Variants in STAMBP observed in about 807,000 individuals in gnomAD.
The protein encoded by STAMBP is STAM-binding protein.
Under a neutral mutation model 50.7 loss-of-function variants are expected in STAMBP, and 31 were observed. The ratio of observed to expected loss-of-function variants is 0.61; its 90% CI spans 0.46 to 0.83. STAMBP has a LOEUF of 0.83. STAMBP is among the 40% of genes least tolerant of loss of function. STAMBP has a pLI of 0.00. For synonymous variants in STAMBP, 211 were observed against 192.4 expected (o/e 1.10, Z -0.80); for missense variants, 472 against 518.9 (o/e 0.91, Z 0.88).
intron 7 of STAMBP, among the ~76,000 whole-genome samples, chr2:73,857,336 G>A (rs909839198): frequency 6.6e-6 from 1 of 152,106 alleles, no homozygotes; most frequent in East Asian, 1.9e-4. Flanking sequence ...GAACCAGTGG[G>A]ATCAGAGTCC....
chr2:73,861,686 A>ATTT (rs954145238), intron 9 of STAMBP, among the ~76,000 whole-genome samples: 5 of 126,640 alleles, frequency 3.9e-5, no homozygotes, highest in African/African-American at 6.2e-5. Context: ...ACCGGGTTAA[A>ATTT]TTTTTTTTTT....
rs1479411792 is a variant in STAMBP, at chr2:73,829,037, G to T, written c.-486G>T. On this transcript the variant is annotated 5_prime_UTR_variant, in exon 1 of 10. Transcript: ENST00000394070. The stretch of plus-strand genomic sequence containing the variant: ...GGGAACGTGGTGGGGCAGGGCCTCC[G>T]AGCGTGGTTGGACTTTGAAGGGGAT... 1 of 152,320 alleles carries T rather than the reference G, an allele frequency of 6.6e-6. No homozygotes were observed. The highest frequency in any genetic ancestry group is 1.5e-5 in the Non-Finnish European group (1 of 68,126). 9.4% of individuals were successfully genotyped at this position (152,320 alleles called of 1,614,324 possible). A position where few individuals can be genotyped will look rare whatever the true frequency, so the allele number is the denominator to read the frequency against.
chr2:73,855,259 C>T (rs1677404628), intron 7 of STAMBP, among the ~76,000 whole-genome samples: 1 of 152,204 alleles, frequency 6.6e-6, no homozygotes, highest in South Asian at 2.1e-4. Context: ...CTGCCTTCAG[C>T]ATTCACCCTC....
In STAMBP at chr2:73,862,420, A is replaced by G; in HGVS notation, c.*161A>G. ...TTTTGTATTTCAGGTTTGAAAAGAA[A>G]TAACTGAACATATTTTTTAGGCAAG... On this transcript the variant is annotated 3_prime_UTR_variant, in exon 10 of 10. Coordinates refer to ENST00000394070, the MANE Select transcript of STAMBP (RefSeq NM_213622.4). 1 of 499,338 alleles carries G rather than the reference A, an allele frequency of 2.0e-6. No individual in the cohort carries two copies. Among genetic ancestry groups the G allele is most frequent in the Non-Finnish European group, 3.4e-6 (1 of 291,074 alleles). 30.9% of individuals were successfully genotyped at this position (499,338 alleles called of 1,614,324 possible).
chr2:73,870,763 T>A (rs1413502742), downstream of STAMBP, among the ~76,000 whole-genome samples: 5 of 152,158 alleles, frequency 3.3e-5, no homozygotes, highest in Non-Finnish European at 1.5e-5. Context: ...TGGCATCATA[T>A]CAAAGCACAA....
intron 7 of STAMBP, among the ~76,000 whole-genome samples, chr2:73,853,050 C>T (rs1187192994): frequency 6.6e-6 from 1 of 151,934 alleles, no homozygotes; most frequent in African/African-American, 2.4e-5. Flanking sequence ...AGCCACCGCA[C>T]CCGGCCAAGG....
At chr2:73,834,337 G>A (rs1157065865) in intron 2 of STAMBP, among the ~76,000 whole-genome samples, 6 of 130,638 alleles carry the variant, frequency 4.6e-5, no homozygotes, top group Non-Finnish European at 6.2e-5. Flanking sequence ...ACTCTTGACT[G>A]GAAGCCTTAT....
intron 7 of STAMBP, 128 bp from the exon 8 acceptor site, chr2:73,859,126 T>G: frequency 1.5e-6 from 1 of 684,244 alleles, no homozygotes; most frequent in South Asian, 1.8e-5. Flanking sequence ...CAAAGTATGT[T>G]ATCGTATGTA....
downstream of STAMBP, among the ~76,000 whole-genome samples, chr2:73,871,104 T>C (rs1287720740): frequency 6.6e-6 from 1 of 152,100 alleles, no homozygotes; most frequent in Admixed American, 6.6e-5. Flanking sequence ...TGAACCATAG[T>C]AAATGCAGGA....
chr2:73,838,074 G>A (rs762882532), intron 2 of STAMBP, among the ~76,000 whole-genome samples: 1 of 152,206 alleles, frequency 6.6e-6, no homozygotes, highest in Admixed American at 6.5e-5. Flanking sequence ...AAGCAATTTC[G>A]CTAGAAGGAT....
At chr2:73,851,785 G>T (rs990661752) in intron 7 of STAMBP, among the ~76,000 whole-genome samples, 1 of 151,780 alleles carries the variant, frequency 6.6e-6, no homozygotes, top group African/African-American at 2.4e-5. Flanking sequence ...GACTACAAGC[G>T]CCCGCCACCA....
chr2:73,857,637 C>T (rs560923637), intron 7 of STAMBP, among the ~76,000 whole-genome samples: 53 of 152,284 alleles, frequency 3.5e-4, no homozygotes, highest in Non-Finnish European at 6.9e-4. Flanking sequence ...TGAGCTAGGA[C>T]GGCATGCGCT....
At chr2:73,846,962 G>A (rs932617350) in intron 4 of STAMBP, among the ~76,000 whole-genome samples, 3 of 151,820 alleles carry the variant, frequency 2.0e-5, no homozygotes, top group Non-Finnish European at 4.4e-5. Flanking sequence ...CACACCTGTG[G>A]TCCCACCTAC....
chr2:73,833,757 A>G (rs1046445229), intron 2 of STAMBP, among the ~76,000 whole-genome samples: 1 of 152,132 alleles, frequency 6.6e-6, no homozygotes, highest in African/African-American at 2.4e-5. Flanking sequence ...TGCTGTCTAC[A>G]TGGCACTGCA....
At chr2:73,852,845 TTGTGTGTGTGTGTGTGTG>T (rs55727735) in intron 7 of STAMBP, among the ~76,000 whole-genome samples, 1 of 127,606 alleles carries the variant, frequency 7.8e-6, no homozygotes, top group African/African-American at 3.1e-5. Context: ...GCCTGGCTAA[TTGTGTGTGTGTGTGTGTG>T]TGTGTGTGTG....
Position 73,862,146 on chromosome 2 carries a change from A to G in STAMBP, c.1219-57A>G, listed in dbSNP as rs1288692994. ...AGCAAGACCCTATATGAAGAAAAAA[A>G]AAAAAAAGACTTTTCAGAATTTTCT... On this transcript the variant is annotated intron_variant, in intron 9 of 9. Transcript: ENST00000394070. 3 of 1,542,576 alleles carry G rather than the reference A, an allele frequency of 1.9e-6. No homozygotes were observed. In the East Asian group the frequency reaches 6.8e-5, roughly 35 times the overall value.
At chr2:73,847,941 A>G (rs755534195) in intron 5 of STAMBP, among the ~76,000 whole-genome samples, 188 bp downstream of exon 5, 1 of 152,146 alleles carries the variant, frequency 6.6e-6, no homozygotes, top group Non-Finnish European at 1.5e-5. Context: ...CTTTGCTGAA[A>G]CCTAGTCTGG....
rs960318759 is a variant in STAMBP at position 73,829,303 on chromosome 2, C to G, written c.-220C>G. The G allele has an allele frequency of 4.6e-5, 7 of 152,338 alleles. No individual in the cohort carries two copies. The highest frequency in any genetic ancestry group is 1.3e-4 in the Admixed American group (2 of 15,286). 9.4% of individuals were successfully genotyped at this position (152,338 alleles called of 1,614,324 possible). A position where few individuals can be genotyped will look rare whatever the true frequency, so the allele number is the denominator to read the frequency against. On this transcript the variant is annotated 5_prime_UTR_variant, in exon 1 of 10. Coordinates refer to ENST00000394070, the MANE Select transcript of STAMBP (RefSeq NM_213622.4). ...TCCTCAAGCAGTTGTCGATAGAGCC[C>G]TCCCTACTGTATACGCCCCCTCCGC...
intron 7 of STAMBP, among the ~76,000 whole-genome samples, 153 bp from the exon 8 acceptor site, chr2:73,859,101 A>G (rs1677960116): frequency 6.6e-6 from 1 of 152,204 alleles, no homozygotes; most frequent in Admixed American, 6.5e-5. Flanking sequence ...TTATGTGAAG[A>G]TGATCTCTCT....
Sources: gnomAD v4.1 joint callset for allele counts (sites outside exome capture counted in the v4.1 genomes callset) on GRCh38, gnomAD v4.1.1 for gene constraint, MANE v1.5 for transcripts, NCBI Gene and HGNC (gene_info 2026-07-23, HGNC 2026-07-21) for gene names.